AGBL4: variants seen among roughly 807,000 people sequenced by gnomAD.
AGBL4 encodes the protein AGBL carboxypeptidase 4, also known as cytosolic carboxypeptidase 6.
In AGBL4, 58 loss-of-function variants were observed where a neutral mutation model predicts 66.4. The ratio of observed to expected loss-of-function variants is 0.87; its 90% CI spans 0.71 to 1.09. The LOEUF (loss-of-function observed/expected upper bound fraction) is 1.09, where lower values mean the gene tolerates loss of function less well. Among genes scored for constraint, AGBL4 ranks in the 50% least tolerant of loss-of-function variants. AGBL4 has a pLI of 0.00. For synonymous variants in AGBL4, 234 were observed against 222.9 expected (o/e 1.05, Z -0.44); for missense variants, 579 against 631.0 (o/e 0.92, Z 0.88).
At chr1:48,561,478 A>G (rs1329309357) in intron 11 of AGBL4, among the ~76,000 whole-genome samples, 2 of 152,334 alleles carry the variant, frequency 1.3e-5, no homozygotes, top group Admixed American at 6.5e-5. Context: ...TCAAGAGCCA[A>G]TTAACCCATG....
chr1:49,113,285 C>T (rs1645450174), intron 4 of AGBL4, among the ~76,000 whole-genome samples: 1 of 151,916 alleles, frequency 6.6e-6, no homozygotes. Context: ...TGCTCTGTCA[C>T]CCAGGCTGGA....
At chr1:48,674,716 T>C (rs1174560741) in intron 6 of AGBL4, among the ~76,000 whole-genome samples, 1 of 152,196 alleles carries the variant, frequency 6.6e-6, no homozygotes, top group Non-Finnish European at 1.5e-5. Flanking sequence ...GAGGACTAGA[T>C]GAATTAAAAT....
intron 1 of AGBL4, among the ~76,000 whole-genome samples, chr1:49,908,871 A>C (rs902950300): frequency 1.3e-5 from 2 of 152,218 alleles, no homozygotes; most frequent in African/African-American, 4.8e-5. Context: ...GTCAATATCC[A>C]TTAATAATAC....
chr1:48,584,290 TATC>T (rs1234813765), intron 11 of AGBL4: 1 of 152,150 alleles, frequency 6.6e-6, no homozygotes, highest in Non-Finnish European at 1.5e-5. Context: ...ACTTCAGACT[TATC>T]ATTGAGTCTG....
chr1:49,437,703 G>T (rs1272583811), intron 3 of AGBL4, among the ~76,000 whole-genome samples: 1 of 152,160 alleles, frequency 6.6e-6, no homozygotes. Context: ...GCAACTTTAA[G>T]AATGCCTGAA....
chr1:49,881,155 T>C (rs1647258948), intron 1 of AGBL4, among the ~76,000 whole-genome samples: 1 of 152,308 alleles, frequency 6.6e-6, no homozygotes, highest in Admixed American at 6.5e-5. Flanking sequence ...AGACCAGAGC[T>C]GTTCCTATTT....
intron 5 of AGBL4, among the ~76,000 whole-genome samples, chr1:48,876,449 A>G (rs982377592): frequency 8.5e-5 from 13 of 152,208 alleles, no homozygotes; most frequent in Admixed American, 8.5e-4. Context: ...GTCATGAGTC[A>G]GAAGATTACA....
chr1:49,157,509 G>C (rs497910), intron 4 of AGBL4, among the ~76,000 whole-genome samples: 98,509 of 151,904 alleles, frequency 0.65, 32,422 homozygotes, highest in Middle Eastern at 0.73. Flanking sequence ...GGTTCCAAGG[G>C]TTTGCTATTG....
chr1:49,260,670 C>T (rs1653052742), intron 3 of AGBL4, among the ~76,000 whole-genome samples: 1 of 152,102 alleles, frequency 6.6e-6, no homozygotes, highest in Non-Finnish European at 1.5e-5. Context: ...AAATCAATAA[C>T]TTACCAACCA....
At chr1:49,823,332 A>G (rs965530876) in intron 2 of AGBL4, among the ~76,000 whole-genome samples, 2 of 152,190 alleles carry the variant, frequency 1.3e-5, no homozygotes, top group Non-Finnish European at 2.9e-5. Context: ...AAAAATTATT[A>G]TGTCATAAAG....
intron 11 of AGBL4, among the ~76,000 whole-genome samples, chr1:48,570,851 C>A (rs1644551054): frequency 6.6e-6 from 1 of 152,166 alleles, no homozygotes. Flanking sequence ...ACTACAGTCA[C>A]ACTTTCTTAT....
chr1:49,594,234 A>G (rs1356774903), intron 3 of AGBL4, among the ~76,000 whole-genome samples: 1 of 152,234 alleles, frequency 6.6e-6, no homozygotes, highest in Non-Finnish European at 1.5e-5. Context: ...ATCATTGGTT[A>G]TCTCCAGGGT....
chr1:49,361,591 G>A (rs1644136324), intron 3 of AGBL4, among the ~76,000 whole-genome samples: 1 of 152,142 alleles, frequency 6.6e-6, no homozygotes, highest in Admixed American at 6.5e-5. Flanking sequence ...CTCCCAAAGT[G>A]CTGGCATTAC....
At chr1:49,524,463 T>A (rs1257469614) in intron 3 of AGBL4, among the ~76,000 whole-genome samples, 6 of 152,076 alleles carry the variant, frequency 3.9e-5, no homozygotes, top group Non-Finnish European at 8.8e-5. Flanking sequence ...AGGATCATTT[T>A]AACCAAAAGA....
At chr1:49,933,313 T>C (rs1279210331) in intron 1 of AGBL4, among the ~76,000 whole-genome samples, 1 of 152,066 alleles carries the variant, frequency 6.6e-6, no homozygotes, top group Non-Finnish European at 1.5e-5. Flanking sequence ...ATCCCCAGCA[T>C]AACTGTCCTT....
chr1:48,950,734 C>T (rs778830386), intron 5 of AGBL4, among the ~76,000 whole-genome samples: 1 of 152,140 alleles, frequency 6.6e-6, no homozygotes, highest in Admixed American at 6.5e-5. Context: ...CTTTTCTGGT[C>T]TCCTGGCCAG....
intron 1 of AGBL4, among the ~76,000 whole-genome samples, chr1:49,962,581 T>G (rs974672869): frequency 6.6e-6 from 1 of 152,120 alleles, no homozygotes; most frequent in Admixed American, 6.6e-5. Context: ...ACTAATAAAA[T>G]ATGTTTTCAT....
At chr1:49,488,280 T>G (rs946318408) in intron 3 of AGBL4, among the ~76,000 whole-genome samples, 1 of 151,684 alleles carries the variant, frequency 6.6e-6, no homozygotes, top group African/African-American at 2.4e-5. Flanking sequence ...TATATATTCT[T>G]TGTCCACATA....
At chr1:49,454,594 C>A (rs1287603390) in intron 3 of AGBL4, among the ~76,000 whole-genome samples, 1 of 151,648 alleles carries the variant, frequency 6.6e-6, no homozygotes, top group African/African-American at 2.4e-5. Flanking sequence ...TTTCTTGAGT[C>A]CTTCAAATTA....
Sources: gnomAD v4.1 joint callset for allele counts (sites outside exome capture counted in the v4.1 genomes callset) on GRCh38, gnomAD v4.1.1 for gene constraint, MANE v1.5 for transcripts, NCBI Gene and HGNC (gene_info 2026-07-23, HGNC 2026-07-21) for gene names.